The following GALNTL6 variants were observed in gnomAD, a reference collection of about 807,000 sequenced individuals.
GALNTL6 encodes polypeptide N-acetylgalactosaminyltransferase-like 6.
GALNTL6 carries 46 observed loss-of-function variants against 73.7 expected under a neutral mutation model. The ratio of observed to expected loss-of-function variants is 0.62; its 90% CI spans 0.49 to 0.80. The LOEUF is 0.80. Among genes scored for constraint, GALNTL6 ranks in the 30% least tolerant of loss-of-function variants. The probability of loss-of-function intolerance (pLI) is 0.00; values close to 1 mark genes in which losing one functional copy is unlikely to be tolerated. For missense variants in GALNTL6, 604 were observed against 755.0 expected (o/e 0.80, Z 2.34); for synonymous variants, 259 against 263.7 (o/e 0.98, Z 0.17).
chr4:172,341,226 C>T (rs909731320), intron 4 of GALNTL6, among the ~76,000 whole-genome samples: 19 of 151,748 alleles, frequency 1.3e-4, no homozygotes, highest in African/African-American at 2.9e-4. Context: ...CCGAGGCGGG[C>T]GGATCACGAG....
chr4:172,315,559 T>A (rs1296868640), intron 4 of GALNTL6, among the ~76,000 whole-genome samples: 1 of 152,200 alleles, frequency 6.6e-6, no homozygotes, highest in African/African-American at 2.4e-5. Context: ...CCCTGGTTGA[T>A]TTTTATATAT....
At chr4:172,836,405 A>G (rs1294829911) in intron 7 of GALNTL6, among the ~76,000 whole-genome samples, 1 of 152,078 alleles carries the variant, frequency 6.6e-6, no homozygotes, top group Non-Finnish European at 1.5e-5. Context: ...TTTCCTACAT[A>G]TTCCTCAAAA....
chr4:171,981,982 A>T (rs1244391408), intron 2 of GALNTL6, among the ~76,000 whole-genome samples: 1 of 152,092 alleles, frequency 6.6e-6, no homozygotes, highest in Non-Finnish European at 1.5e-5. Flanking sequence ...ATTGGATTTT[A>T]AATATATTTG....
At chr4:172,776,281 C>T (rs934132927) in intron 5 of GALNTL6, among the ~76,000 whole-genome samples, 2 of 152,160 alleles carry the variant, frequency 1.3e-5, no homozygotes, top group South Asian at 4.1e-4. Flanking sequence ...CACTCCTCTG[C>T]TCCTGCCATA....
intron 2 of GALNTL6, among the ~76,000 whole-genome samples, chr4:171,971,366 A>G (rs975516803): frequency 3.9e-5 from 6 of 152,182 alleles, no homozygotes; most frequent in Admixed American, 1.3e-4. Context: ...CTTGGAGAAG[A>G]CAGTCCAGTA....
chr4:172,781,343 T>TC (rs1739360027), intron 5 of GALNTL6, among the ~76,000 whole-genome samples: 1 of 152,174 alleles, frequency 6.6e-6, no homozygotes, highest in African/African-American at 2.4e-5. Flanking sequence ...CAGGTAAGAA[T>TC]CTTAGCCAAT....
intron 2 of GALNTL6, among the ~76,000 whole-genome samples, chr4:171,956,882 A>G (rs1253192302): frequency 1.3e-5 from 2 of 152,278 alleles, no homozygotes; most frequent in East Asian, 3.9e-4. Context: ...ATTTCTCATC[A>G]GAGAGCCAGC....
intron 7 of GALNTL6, among the ~76,000 whole-genome samples, chr4:172,818,560 T>C (rs1741740954): frequency 7.2e-5 from 11 of 152,182 alleles, no homozygotes; most frequent in Admixed American, 7.2e-4. Flanking sequence ...ATGCTTAAAA[T>C]AAATACATAT....
chr4:172,967,870 G>T (rs945672406), intron 10 of GALNTL6, among the ~76,000 whole-genome samples: 1 of 152,128 alleles, frequency 6.6e-6, no homozygotes, highest in African/African-American at 2.4e-5. Context: ...AATAACGGGG[G>T]ACTACTGTAG....
chr4:172,114,677 G>T (rs974931709), intron 2 of GALNTL6, among the ~76,000 whole-genome samples: 1 of 152,074 alleles, frequency 6.6e-6, no homozygotes. Flanking sequence ...AATGGTAATT[G>T]TTTTTAAAAG....
rs544419207 is a variant in GALNTL6, at chr4:172,210,308, C to G, written c.139-19348C>G. Among the ~76,000 whole-genome samples, 17 of 152,136 alleles carry G rather than the reference C, an allele frequency of 1.1e-4. No individual in the cohort carries two copies. In the East Asian group the frequency reaches 3.3e-3, roughly 29 times the overall value. On this transcript the variant is annotated intron_variant, in intron 2 of 12. Transcript: ENST00000506823. ...TGAAGCAGTATTGATATAGTGTTCT[C>G]AACTAAAGTCTGTAGTATTTATATA...
At position 172,698,375 on chromosome 4, in the gene GALNTL6, T is replaced by C. The variant is rs1733815694; in HGVS notation, c.554-110986T>C. ...TATCAGTATTCCAACTAGTTTTGGC[T>C]CCTCCCATAGCCTCTGAGCATTAGG... On this transcript the variant is annotated intron_variant, in intron 5 of 12. Coordinates refer to ENST00000506823, the MANE Select transcript of GALNTL6 (RefSeq NM_001034845.3). Among the ~76,000 whole-genome samples, 3 of 152,246 alleles carry C rather than the reference T, an allele frequency of 2.0e-5. No individual in the cohort carries two copies. The South Asian group carries it at 6.2e-4, about 32-fold the overall frequency.
At chr4:172,470,930 C>G (rs987449703) in intron 5 of GALNTL6, among the ~76,000 whole-genome samples, 1 of 152,164 alleles carries the variant, frequency 6.6e-6, no homozygotes, top group Admixed American at 6.6e-5. Flanking sequence ...CCCCCAACAC[C>G]CAGGTTTGCG....
chr4:172,950,935 A>C lies in GALNTL6; in HGVS notation c.1150-1102A>C, dbSNP rs372249382. On this transcript the variant is annotated intron_variant, in intron 9 of 12. Transcript: ENST00000506823. ...TATGAAAATGTACTGCAGCACATTT[A>C]AGCTGGAGGCATCAAAACTGGTATC... Among the ~76,000 whole-genome samples the C allele has an allele frequency of 2.0e-5, 3 of 152,164 alleles. No homozygotes were observed. In the East Asian group the frequency reaches 5.8e-4, roughly 29 times the overall value.
chr4:172,371,549 CTTT>C (rs1338504096), intron 5 of GALNTL6, among the ~76,000 whole-genome samples: 2 of 151,946 alleles, frequency 1.3e-5, no homozygotes, highest in African/African-American at 2.4e-5. Flanking sequence ...TCTTTGACTT[CTTT>C]GTCTCTCTTT....
At chr4:172,742,009 AC>A (rs1736834394) in intron 5 of GALNTL6, among the ~76,000 whole-genome samples, 1 of 151,968 alleles carries the variant, frequency 6.6e-6, no homozygotes. Context: ...ATAAGAAAAA[AC>A]ATATACTACA....
chr4:172,607,489 T>G (rs889344746), intron 5 of GALNTL6, among the ~76,000 whole-genome samples: 1 of 152,154 alleles, frequency 6.6e-6, no homozygotes, highest in South Asian at 2.1e-4. Flanking sequence ...TTTTTATGGC[T>G]GTGTAGTATT....
At chr4:172,963,098 C>T (rs1348596724) in intron 10 of GALNTL6, among the ~76,000 whole-genome samples, 1 of 152,134 alleles carries the variant, frequency 6.6e-6, no homozygotes. Flanking sequence ...CTCCTCACCC[C>T]CTGGCTTCCT....
chr4:171,950,810 A>G (rs1396117027), intron 2 of GALNTL6, among the ~76,000 whole-genome samples: 1 of 152,154 alleles, frequency 6.6e-6, no homozygotes, highest in Non-Finnish European at 1.5e-5. Flanking sequence ...GACAATACAC[A>G]AATTATTTTA....
Sources: allele counts gnomAD v4.1 joint callset (sites outside exome capture counted in the v4.1 genomes callset), GRCh38; gene constraint gnomAD v4.1.1; transcripts MANE v1.5; gene names NCBI Gene and HGNC (gene_info 2026-07-23, HGNC 2026-07-21).